Variants in NINL observed in about 807,000 individuals in gnomAD.
NINL encodes ninein-like protein.
NINL carries 153 observed loss-of-function variants against 160.3 expected under a neutral mutation model. The ratio of observed to expected loss-of-function variants is 0.95; its 90% CI spans 0.84 to 1.09. The LOEUF is 1.09. Ranked by LOEUF, NINL falls within the 50% of genes least tolerant of loss-of-function variation. The probability of loss-of-function intolerance (pLI) is 0.00; values close to 1 mark genes in which losing one functional copy is unlikely to be tolerated. For missense variants in NINL, 1,829 were observed against 1,764.0 expected, an observed-to-expected ratio of 1.04 and a Z score of -0.66; for synonymous variants, 800 against 734.8, an observed-to-expected ratio of 1.09 and a Z score of -1.43.
Position 25,476,920 on chromosome 20 carries a change from C to G in NINL, c.2371G>C (p.Ala791Pro). 1.2e-6 allele frequency: 2 copies of G among 1,612,586 alleles called. No individual in the cohort carries two copies. Among genetic ancestry groups the G allele is most frequent in the African/African-American group, 1.3e-5 (1 of 75,062 alleles). Reference sequence around the variant, plus strand: ...CACATCTGGGCGCGCTTCTCGCTCGCACAGGGCTGCAGCTTCAGTGCCCTC... The same window carrying G: ...CACATCTGGGCGCGCTTCTCGCTCGGACAGGGCTGCAGCTTCAGTGCCCTC... ...LERALKLQPC[A>P]SEKRAQMCVS... is the part of the protein sequence containing the mutation. Residue 791 changes from alanine to proline, a missense_variant, in exon 17 of 24, where the codon GCG becomes CCG. Physicochemically the swap from Ala to Pro is conservative, Grantham distance 27. Coordinates refer to ENST00000278886, the MANE Select transcript of NINL (RefSeq NM_025176.6).
chr20:25,458,734 T>C (rs936791379), intron 21 of NINL: 10 of 564,358 alleles, frequency 1.8e-5, no homozygotes, highest in Non-Finnish European at 3.1e-5. Context: ...TTCCACACAG[T>C]GCTAGAGTGC....
chr20:25,543,040 C>CAAAA (rs11480769), intron 1 of NINL, among the ~76,000 whole-genome samples: 50 of 130,676 alleles, frequency 3.8e-4, no homozygotes, highest in South Asian at 1.3e-3. Flanking sequence ...ACTCCGTCTT[C>CAAAA]AAAAAAAAAA....
Position 25,458,492 on chromosome 20 carries a change from G to A in NINL, c.3734C>T (p.Ala1245Val), listed in dbSNP as rs751766070. 1.2e-6 allele frequency: 2 copies of A among 1,600,880 alleles called. No individual in the cohort carries two copies. Among genetic ancestry groups the A allele is most frequent in the East Asian group, 4.5e-5 (2 of 44,826 alleles). ...CAGCCGGACCTCCTGCAAGTGCTGG[G>A]CCTGGGCCTGCCTCAGCCTCAGGTG... ...GAHLRLRQAQ[A>V]QHLQEVRLVP... The change falls in exon 22 of 24, where the codon GCC becomes GTC. Residue 1245 changes from alanine to valine, a missense_variant. Transcript: ENST00000278886.
rs181737940 is a variant in NINL at position 25,529,668 on chromosome 20, G to A, written c.-11-3070C>T. On this transcript the variant is annotated intron_variant, in intron 1 of 23. Coordinates refer to ENST00000278886, the MANE Select transcript of NINL (RefSeq NM_025176.6). ...AGCCTGGGCAACATGGTGAGACCCC[G>A]TCTCTACAAAAAACAGAAAGAACTA... Among the ~76,000 whole-genome samples the A allele has an allele frequency of 9.7e-4, 148 of 152,118 alleles. 1 individual carries two copies. In the South Asian group the frequency reaches 0.013, roughly 13 times the overall value.
intron 1 of NINL, among the ~76,000 whole-genome samples, chr20:25,534,730 T>G (rs953231243): frequency 6.6e-6 from 1 of 152,200 alleles, no homozygotes; most frequent in Non-Finnish European, 1.5e-5. Flanking sequence ...TCAATATCCA[T>G]AGGGGGTGGT....
At chr20:25,468,793 CCT>C (rs1303573007) in intron 18 of NINL, among the ~76,000 whole-genome samples, 11 of 144,934 alleles carry the variant, frequency 7.6e-5, no homozygotes, top group Admixed American at 4.7e-4. Context: ...GCCCTGTCCC[CCT>C]GACTCTCACT....
intron 1 of NINL, among the ~76,000 whole-genome samples, chr20:25,584,848 G>T (rs1007351754): frequency 3.9e-5 from 6 of 152,234 alleles, no homozygotes; most frequent in Admixed American, 2.0e-4. Context: ...CCCACATGGT[G>T]TGTGTGACTG....
At position 25,532,687 on chromosome 20, in the gene NINL, G is replaced by A. The variant is rs985621159; in HGVS notation, c.-11-6089C>T. Among the ~76,000 whole-genome samples the A allele has an allele frequency of 3.3e-5, 5 of 152,334 alleles. No individual in the cohort carries two copies. The East Asian group carries it at 5.8e-4, about 18-fold the overall frequency. On this transcript the variant is annotated intron_variant, in intron 1 of 23. Transcript: ENST00000278886. ...CTTCACCTATTGGTGAGTCAGGTGC[G>A]GGCAAGCAGGTGAGTCAGACACAGC... is the stretch of plus-strand genomic sequence containing the variant.
At chr20:25,488,631 T>C (rs182213738) in intron 13 of NINL, among the ~76,000 whole-genome samples, 138 of 152,018 alleles carry the variant, frequency 9.1e-4, no homozygotes, top group Non-Finnish European at 2.6e-4. Context: ...CGTCCTCTGT[T>C]TGGCCAGCCA....
At chr20:25,477,550 G>A (rs2063289135) in intron 16 of NINL, among the ~76,000 whole-genome samples, 1 of 152,230 alleles carries the variant, frequency 6.6e-6, no homozygotes, top group African/African-American at 2.4e-5. Context: ...TGGGACCTCT[G>A]GTGGCCCGCA....
At chr20:25,516,567 A>T (rs773109825) in intron 3 of NINL, among the ~76,000 whole-genome samples, 1 of 152,312 alleles carries the variant, frequency 6.6e-6, no homozygotes, top group East Asian at 1.9e-4. Flanking sequence ...AAAATACAAC[A>T]TCAGAGGACC....
chr20:25,579,601 G>C (rs113364816), intron 1 of NINL, among the ~76,000 whole-genome samples: 32 of 152,222 alleles, frequency 2.1e-4, no homozygotes, highest in Admixed American at 1.7e-3. Context: ...GACAGCCGGG[G>C]GAGGCCTCCT....
chr20:25,453,159 T>G lies in NINL; in HGVS notation c.*292A>C, dbSNP rs2090573441. 3.3e-6 allele frequency: 1 copy of G among 301,454 alleles called. No homozygotes were observed. The highest frequency in any genetic ancestry group is 2.2e-5 in the African/African-American group (1 of 46,490). 18.7% of individuals were successfully genotyped at this position (301,454 alleles called of 1,614,324 possible). Reference sequence around the variant, plus strand: ...AACTGCTCACTTACCTGCTCCTTGCTGACAGCTCCCAGGATCTGGCTCCAG... The same window carrying G: ...AACTGCTCACTTACCTGCTCCTTGCGGACAGCTCCCAGGATCTGGCTCCAG... On this transcript the variant is annotated 3_prime_UTR_variant, in exon 24 of 24. Transcript: ENST00000278886.
At chr20:25,493,014 G>A (rs1034711459) in intron 10 of NINL, among the ~76,000 whole-genome samples, 2 of 152,134 alleles carry the variant, frequency 1.3e-5, no homozygotes, top group East Asian at 1.9e-4. Context: ...GGCCACGTGG[G>A]TTCTGAGGCT....
chr20:25,535,120 T>C (rs936891643), intron 1 of NINL, among the ~76,000 whole-genome samples: 1 of 152,190 alleles, frequency 6.6e-6, no homozygotes, highest in Non-Finnish European at 1.5e-5. Flanking sequence ...TGCAACAACA[T>C]GGATACGCCT....
Position 25,453,582 on chromosome 20 carries a change from G to C in NINL, c.4018C>G (p.Leu1340Val). The C allele has an allele frequency of 6.2e-7, 1 of 1,614,034 alleles. No individual in the cohort carries two copies. Among genetic ancestry groups the C allele is most frequent in the Non-Finnish European group, 8.5e-7 (1 of 1,179,970 alleles). Residue 1340 changes from leucine (L) to valine (V), a missense_variant, in exon 24 of 24, where the codon CTG becomes GTG. Physicochemically the swap from Leu to Val is conservative, Grantham distance 32. Transcript: ENST00000278886. Reference protein sequence around the residue: ...LKELYVENAHLVRALQATEEK... With the variant: ...LKELYVENAHVVRALQATEEK... ...TCGGTGGCCTGAAGTGCTCTCACCA[G>C]GTGGGCGTTCTCCACGTACAGCTCC...
chr20:25,573,989 A>G (rs2065085606), intron 1 of NINL, among the ~76,000 whole-genome samples: 2 of 152,250 alleles, frequency 1.3e-5, no homozygotes, highest in African/African-American at 4.8e-5. Flanking sequence ...ACCCAGAAAC[A>G]GGAACCAATA....
At chr20:25,561,193 C>T (rs947298884) in intron 1 of NINL, among the ~76,000 whole-genome samples, 50 of 152,316 alleles carry the variant, frequency 3.3e-4, no homozygotes, top group African/African-American at 1.0e-3. Context: ...CGCGCCGCCA[C>T]GCCTGACGGG....
chr20:25,551,952 A>G (rs1457201930), intron 1 of NINL, among the ~76,000 whole-genome samples: 1 of 152,188 alleles, frequency 6.6e-6, no homozygotes, highest in African/African-American at 2.4e-5. Context: ...CTAGCAAGGG[A>G]TGTCCCTGTG....
Sources: allele counts gnomAD v4.1 joint callset (sites outside exome capture counted in the v4.1 genomes callset), GRCh38; gene constraint gnomAD v4.1.1; transcripts MANE v1.5; gene names NCBI Gene and HGNC (gene_info 2026-07-23, HGNC 2026-07-21).